RGS12: variants seen among roughly 807,000 people sequenced by gnomAD.
RGS12 encodes the protein regulator of G protein signaling 12.
In RGS12, 66 loss-of-function variants were observed where a neutral mutation model predicts 120.1. That is an observed-to-expected ratio of 0.55 (90% CI 0.45 to 0.67). The LOEUF (loss-of-function observed/expected upper bound fraction) is 0.67. Among genes scored for constraint, RGS12 ranks in the 30% least tolerant of loss-of-function variants. The pLI is 0.00. For missense variants in RGS12, 1,859 were observed against 1,957.7 expected, an observed-to-expected ratio of 0.95 and a Z score of 0.95; for synonymous variants, 827 against 804.7, an observed-to-expected ratio of 1.03 and a Z score of -0.47.
At chr4:3,409,147 G>C (rs924355559) in intron 4 of RGS12, among the ~76,000 whole-genome samples, 2 of 152,122 alleles carry the variant, frequency 1.3e-5, no homozygotes, top group African/African-American at 4.8e-5. Flanking sequence ...GCTCTCTGCC[G>C]TGCTCCTCTG....
chr4:3,431,783 G>A (rs1429962377), intron 17 of RGS12: 2 of 985,614 alleles, frequency 2.0e-6, no homozygotes, highest in Non-Finnish European at 2.4e-6. Context: ...CCTCTGCTGT[G>A]GTTTGCTGCT....
At chr4:3,324,468 T>A (rs748837025) in intron 2 of RGS12, 3 of 237,548 alleles carry the variant, frequency 1.3e-5, no homozygotes, top group Non-Finnish European at 2.5e-5. Flanking sequence ...CTCTGGTTGG[T>A]ACTGTGGGCC....
chr4:3,363,485 G>A (rs1715938887), intron 3 of RGS12, among the ~76,000 whole-genome samples: 1 of 152,000 alleles, frequency 6.6e-6, no homozygotes, highest in Admixed American at 6.6e-5. Context: ...GAGCCGCGGG[G>A]CCTGAACTGC....
chr4:3,429,407 A>T lies in RGS12; in HGVS notation c.3565+696A>T, dbSNP rs562998445. Reference sequence around the variant, plus strand: ...ACCTGGCGTGTCACGGCTTTGTCACAGCTGGCTGTGGAGTCTGACCTCACG... The same window carrying T: ...ACCTGGCGTGTCACGGCTTTGTCACTGCTGGCTGTGGAGTCTGACCTCACG... On this transcript the variant is annotated intron_variant, in intron 16 of 17. Coordinates refer to ENST00000336727, the MANE Select transcript of RGS12 (RefSeq NM_001394154.1). Among the ~76,000 whole-genome samples the T allele has an allele frequency of 9.6e-4, 147 of 152,350 alleles. 1 individual carries two copies. The Middle Eastern group carries it at 0.024, about 25-fold the overall frequency.
Position 3,417,411 on chromosome 4 carries a change from C to A in RGS12, c.2631C>A (p.Gly877=). 1 of 1,573,648 alleles carries A rather than the reference C, an allele frequency of 6.4e-7. No homozygotes were observed. The highest frequency in any genetic ancestry group is 8.6e-7 in the Non-Finnish European group (1 of 1,157,972). Residue 877 remains glycine (G), a synonymous_variant, in exon 9 of 18, where the codon GGC becomes GGA. Transcript: ENST00000336727. The stretch of plus-strand genomic sequence containing the variant: ...AGTTAAGTGGAAAATCAAAATCCGG[C>A]CGATCCCTGAATGAAGAGCTGGGGG... ...PKKLSGKSKS[G]RSLNEELGDE...
At chr4:3,309,499 A>G (rs1374728541) in intron 1 of RGS12, among the ~76,000 whole-genome samples, 1 of 106,804 alleles carries the variant, frequency 9.4e-6, no homozygotes, top group Non-Finnish European at 2.0e-5. Context: ...AGGAGCTGGG[A>G]CCCGGGAAAT....
At chr4:3,421,149 G>A (rs539436655) in intron 10 of RGS12, among the ~76,000 whole-genome samples, 2 of 152,260 alleles carry the variant, frequency 1.3e-5, no homozygotes, top group East Asian at 1.9e-4. Flanking sequence ...CCTGCGGGCC[G>A]CCTGTCTCAC....
Position 3,423,655 on chromosome 4 carries a change from G to A in RGS12, c.3234+14G>A, listed in dbSNP as rs759772354. 11 of 1,598,560 alleles carry A rather than the reference G, an allele frequency of 6.9e-6. No homozygotes were observed. Among genetic ancestry groups the A allele is most frequent in the African/African-American group, 2.7e-5 (2 of 74,818 alleles). On this transcript the variant is annotated intron_variant, in intron 13 of 17. Transcript: ENST00000336727. ...CTGGTGAGGCTGGTGAGTGTTGCAC[G>A]GGGCCCGGGCGTCGTCACCGCAGGC...
At chr4:3,438,402 G>A (rs374894093) in intron 17 of RGS12, among the ~76,000 whole-genome samples, 4 of 151,690 alleles carry the variant, frequency 2.6e-5, no homozygotes, top group African/African-American at 9.7e-5. Context: ...GGTCGGCAAC[G>A]TCACCCCCAC....
Position 3,430,646 on chromosome 4 carries a change from G to C in RGS12, c.3805G>C (p.Asp1269His), listed in dbSNP as rs757182071. 1 of 1,599,682 alleles carries C rather than the reference G, an allele frequency of 6.3e-7. No homozygotes were observed. Among genetic ancestry groups the C allele is most frequent in the East Asian group, 2.2e-5 (1 of 44,528 alleles). The change falls in exon 17 of 18, where the codon GAC (aspartate) becomes CAC (histidine). Residue 1269 changes from aspartate to histidine, a missense_variant. Coordinates refer to ENST00000336727, the MANE Select transcript of RGS12 (RefSeq NM_001394154.1). ...EQWEPVQESS[D>H]SPSTSPGSAS... ...GTGGGAGCCAGTCCAGGAGAGCAGCGACAGCCCGTCCACCAGCCCGGGCTC... is the reference window on the plus strand; with the variant it reads ...GTGGGAGCCAGTCCAGGAGAGCAGCCACAGCCCGTCCACCAGCCCGGGCTC...
intron 6 of RGS12, among the ~76,000 whole-genome samples, chr4:3,415,208 G>A (rs985627705): frequency 1.2e-4 from 18 of 152,050 alleles, no homozygotes; most frequent in Non-Finnish European, 2.4e-4. Context: ...CCGCGTGTGT[G>A]TGAGAGGGCC....
At chr4:3,416,880 C>T in intron 7 of RGS12, 33 bp from the exon 8 acceptor site, 1 of 1,565,044 alleles carries the variant, frequency 6.4e-7, no homozygotes, top group Non-Finnish European at 8.7e-7. Flanking sequence ...TGGGTCCCTC[C>T]TGTGACTGTC....
intron 4 of RGS12, chr4:3,413,625 C>A (rs1232396793): frequency 6.4e-6 from 1 of 157,128 alleles, no homozygotes; most frequent in Admixed American, 6.3e-5. Flanking sequence ...CAGCTGCTTT[C>A]GCTCTAGCAA....
Position 3,316,533 on chromosome 4 carries a change from G to A in RGS12, c.363G>A (p.Lys121=), listed in dbSNP as rs756759207. The A allele has an allele frequency of 6.2e-7, 1 of 1,614,196 alleles. No homozygotes were observed. The highest frequency in any genetic ancestry group is 8.5e-7 in the Non-Finnish European group (1 of 1,180,038). ...GGLYEGKGWL[K]PKLDSKALGI... ...TCTATGAAGGAAAAGGCTGGCTGAA[G>A]CCCAAGCTGGATTCTAAAGCACTAG... Residue 121 remains lysine (K), a synonymous_variant, in exon 2 of 18, where the codon AAG becomes AAA. Transcript: ENST00000336727.
chr4:3,422,504 C>T lies in RGS12; in HGVS notation c.2967C>T (p.Ser989=), dbSNP rs16844330. The T allele has an allele frequency of 0.046, 74,117 of 1,612,900 alleles. 2,500 individuals carry two copies. Among genetic ancestry groups the T allele is most frequent in the East Asian group, 0.12 (5,457 of 44,868 alleles). Reference sequence around the variant, plus strand: ...GCTTCTCCATCAAAGACATCCTGTCCGGACTCTGTGAGCGGCATGGCATCA... The same window carrying T: ...GCTTCTCCATCAAAGACATCCTGTCTGGACTCTGTGAGCGGCATGGCATCA... ...KAGFSIKDIL[S]GLCERHGING... is the part of the protein sequence containing the mutation. The change falls in exon 11 of 18, where the codon TCC becomes TCT. Residue 989 remains serine (S), a synonymous_variant. Transcript: ENST00000336727.
intron 4 of RGS12, chr4:3,412,901 C>G (rs1024742878): frequency 2.0e-5 from 3 of 152,404 alleles, no homozygotes; most frequent in Non-Finnish European, 4.4e-5. Context: ...TGGGCTCACA[C>G]TGGCCCACAT....
At chr4:3,420,850 T>C (rs1722941014) in intron 10 of RGS12, 132 bp downstream of exon 10, 1 of 837,862 alleles carries the variant, frequency 1.2e-6, no homozygotes, top group Non-Finnish European at 1.9e-6. Context: ...GGGACAAGGC[T>C]CGGGTGCCGG....
At chr4:3,416,787 T>C in intron 7 of RGS12, 126 bp from the exon 8 acceptor site, 1 of 834,060 alleles carries the variant, frequency 1.2e-6, no homozygotes, top group Non-Finnish European at 1.9e-6. Context: ...CGGGGGAAAA[T>C]GGACTGAAAC....
intron 3 of RGS12, among the ~76,000 whole-genome samples, chr4:3,354,611 T>A (rs1714689385): frequency 6.6e-6 from 1 of 152,224 alleles, no homozygotes; most frequent in African/African-American, 2.4e-5. Context: ...CAGCAAAATG[T>A]GTTTGCTAAG....
Sources: gnomAD v4.1 joint callset for allele counts (sites outside exome capture counted in the v4.1 genomes callset) on GRCh38, gnomAD v4.1.1 for gene constraint, MANE v1.5 for transcripts, NCBI Gene and HGNC (gene_info 2026-07-23, HGNC 2026-07-21) for gene names.